Variants in ALK observed in about 807,000 individuals in gnomAD.
ALK encodes the protein ALK receptor tyrosine kinase, also known as ALK tyrosine kinase receptor.
ALK carries 74 observed loss-of-function variants against 163.1 expected under a neutral mutation model. The observed-to-expected ratio is 0.45, with a 90% CI of 0.38 to 0.55. The LOEUF (loss-of-function observed/expected upper bound fraction) is 0.55, where lower values mean the gene tolerates loss of function less well. Ranked by LOEUF, ALK falls within the 20% of genes least tolerant of loss-of-function variation. The pLI, the probability that ALK is intolerant of heterozygous loss-of-function variation, is 0.00. For missense variants in ALK, 2,063 were observed against 2,105.3 expected (o/e 0.98, Z 0.39); for synonymous variants, 960 against 843.2 (o/e 1.14, Z -2.40).
intron 1 of ALK, among the ~76,000 whole-genome samples, chr2:29,730,240 G>A (rs570253580): frequency 4.6e-5 from 7 of 152,314 alleles, no homozygotes; most frequent in South Asian, 2.1e-4. Context: ...ACCAGGAGGA[G>A]GCAGATACAC....
At chr2:29,483,202 G>A (rs920069830) in intron 4 of ALK, among the ~76,000 whole-genome samples, 4 of 152,210 alleles carry the variant, frequency 2.6e-5, no homozygotes, top group East Asian at 3.8e-4. Context: ...TCTTAGGTAC[G>A]AAATGAGAAA....
At chr2:29,568,614 C>T (rs1674262907) in intron 3 of ALK, among the ~76,000 whole-genome samples, 1 of 152,218 alleles carries the variant, frequency 6.6e-6, no homozygotes. Flanking sequence ...ACCAGATTGT[C>T]TCCCTTCCCT....
chr2:29,418,675 G>A (rs1181063080), intron 4 of ALK, among the ~76,000 whole-genome samples: 7 of 152,110 alleles, frequency 4.6e-5, no homozygotes, highest in African/African-American at 1.7e-4. Context: ...ATCTCACTTA[G>A]GATAATGGCC....
chr2:29,791,798 A>G (rs1285701506), intron 1 of ALK, among the ~76,000 whole-genome samples: 1 of 152,176 alleles, frequency 6.6e-6, no homozygotes, highest in Non-Finnish European at 1.5e-5. Flanking sequence ...GGTTTGTGCA[A>G]TATAGACCAA....
In ALK at chr2:29,223,335, C is replaced by T. The variant is rs778841767; in HGVS notation, c.3359+7G>A. ...CTCTCCTCCCAGGACGGCAGCAGGG[C>T]GCTCACCGAATGAGGGTGATGTTTT... On this transcript the variant is annotated splice_region_variant and intron_variant, in intron 20 of 28. Coordinates refer to ENST00000389048, the MANE Select transcript of ALK (RefSeq NM_004304.5). 2.5e-5 allele frequency: 40 copies of T among 1,613,852 alleles called. No individual in the cohort carries two copies. Among genetic ancestry groups the T allele is most frequent in the Non-Finnish European group, 2.7e-5 (32 of 1,180,000 alleles).
chr2:29,463,095 G>A (rs528015657), intron 4 of ALK, among the ~76,000 whole-genome samples: 5 of 152,100 alleles, frequency 3.3e-5, no homozygotes, highest in East Asian at 1.9e-4. Context: ...CCATAAATCC[G>A]ACCTAAGACT....
At chr2:29,833,829 A>T (rs1665486429) in intron 1 of ALK, among the ~76,000 whole-genome samples, 1 of 152,142 alleles carries the variant, frequency 6.6e-6, no homozygotes, top group Admixed American at 6.5e-5. Flanking sequence ...AAAATTACAA[A>T]CATATCTCAC....
At chr2:29,738,220 G>C (rs924702971) in intron 1 of ALK, among the ~76,000 whole-genome samples, 1 of 151,810 alleles carries the variant, frequency 6.6e-6, no homozygotes, top group Non-Finnish European at 1.5e-5. Flanking sequence ...ACACAAAACC[G>C]AGCATCACGC....
At chr2:29,695,842 G>A (rs879232008) in intron 2 of ALK, among the ~76,000 whole-genome samples, 4 of 152,122 alleles carry the variant, frequency 2.6e-5, no homozygotes, top group South Asian at 2.1e-4. Flanking sequence ...TTAGAATGGC[G>A]ATCATTAAAA....
intron 1 of ALK, among the ~76,000 whole-genome samples, chr2:29,738,061 C>T (rs941101573): frequency 6.6e-6 from 1 of 152,006 alleles, no homozygotes; most frequent in Non-Finnish European, 1.5e-5. Context: ...TCATCAGCAA[C>T]AGCAAGCTAG....
At chr2:29,730,346 A>T (rs1390065298) in intron 1 of ALK, among the ~76,000 whole-genome samples, 2 of 152,202 alleles carry the variant, frequency 1.3e-5, no homozygotes, top group African/African-American at 4.8e-5. Flanking sequence ...ACTATACAGA[A>T]TTATAGTGTT....
intron 9 of ALK, 110 bp from the exon 10 acceptor site, chr2:29,275,606 A>G (rs146889258): frequency 3.8e-4 from 422 of 1,121,450 alleles, no homozygotes; most frequent in African/African-American, 1.6e-3. Context: ...GTGAGTTTGA[A>G]AAAGGCTCGC....
At chr2:29,411,451 T>C (rs533082723) in intron 4 of ALK, among the ~76,000 whole-genome samples, 7 of 152,228 alleles carry the variant, frequency 4.6e-5, no homozygotes, top group Non-Finnish European at 8.8e-5. Context: ...CCTTTTGGTA[T>C]TGGAATCCAT....
intron 3 of ALK, among the ~76,000 whole-genome samples, chr2:29,616,851 A>G (rs1266339044): frequency 6.6e-6 from 1 of 152,172 alleles, no homozygotes; most frequent in Non-Finnish European, 1.5e-5. Flanking sequence ...CTTTTGCCCT[A>G]AAGAGCCAAA....
chr2:29,362,393 G>A (rs964554889), intron 5 of ALK, among the ~76,000 whole-genome samples: 2 of 152,274 alleles, frequency 1.3e-5, no homozygotes, highest in South Asian at 4.1e-4. Context: ...AAGAAAACAT[G>A]GTTCTTGCAT....
intron 1 of ALK, among the ~76,000 whole-genome samples, chr2:29,804,763 G>C (rs549337084): frequency 6.9e-4 from 105 of 152,244 alleles, no homozygotes; most frequent in African/African-American, 2.5e-3. Flanking sequence ...CTCCATCTTG[G>C]ATGCTAATCT....
At chr2:29,885,273 G>C (rs987365204) in intron 1 of ALK, among the ~76,000 whole-genome samples, 6 of 152,136 alleles carry the variant, frequency 3.9e-5, no homozygotes, top group African/African-American at 1.4e-4. Context: ...AATGTCTGTA[G>C]TTCAGCCTCT....
At chr2:29,662,702 T>A (rs1197692700) in intron 3 of ALK, among the ~76,000 whole-genome samples, 1 of 143,794 alleles carries the variant, frequency 7.0e-6, no homozygotes, top group Admixed American at 7.1e-5. Flanking sequence ...TTCCTTCTCT[T>A]CTTTCCAGAA....
chr2:29,255,383 ATACAGATTC>A (rs1287162933), intron 11 of ALK, among the ~76,000 whole-genome samples: 2 of 152,290 alleles, frequency 1.3e-5, no homozygotes, highest in East Asian at 3.9e-4. Context: ...GACCTTTCAC[ATACAGATTC>A]TAGGGACCTG....
Sources: allele counts gnomAD v4.1 joint callset (sites outside exome capture counted in the v4.1 genomes callset), GRCh38; gene constraint gnomAD v4.1.1; transcripts MANE v1.5; gene names NCBI Gene and HGNC (gene_info 2026-07-23, HGNC 2026-07-21).